The following LIPJ variants were observed in gnomAD, a reference collection of about 807,000 sequenced individuals.
The protein encoded by LIPJ is lipase member J.
In LIPJ, 33 loss-of-function variants were observed where a neutral mutation model predicts 39.8. The ratio of observed to expected loss-of-function variants is 0.83; its 90% CI spans 0.63 to 1.11. LIPJ has a LOEUF of 1.11. LIPJ is among the 50% of genes least tolerant of loss of function. The pLI is 0.00. For synonymous variants in LIPJ, 128 were observed against 139.2 expected (o/e 0.92, Z 0.57); for missense variants, 422 against 427.9 (o/e 0.99, Z 0.12).
chr10:88,587,727 C>T (rs1400664371), intron 2 of LIPJ, among the ~76,000 whole-genome samples: 1 of 152,010 alleles, frequency 6.6e-6, no homozygotes, highest in Non-Finnish European at 1.5e-5. Context: ...CAGTGATTTG[C>T]TCCATGGAAT....
the LIPJ span, among the ~76,000 whole-genome samples, chr10:88,614,760 A>G: frequency 6.6e-6 from 1 of 152,140 alleles, no homozygotes; most frequent in Non-Finnish European, 1.5e-5. Context: ...AAAAGTATTA[A>G]TATTGGAGGA....
At chr10:88,588,124 G>A (rs1253793706) in intron 2 of LIPJ, among the ~76,000 whole-genome samples, 1 of 151,648 alleles carries the variant, frequency 6.6e-6, no homozygotes, top group African/African-American at 2.4e-5. Context: ...TACCTAAATT[G>A]TTTGAAACAT....
intron 2 of LIPJ, among the ~76,000 whole-genome samples, chr10:88,588,193 A>C (rs1373576990): frequency 1.3e-5 from 2 of 151,888 alleles, no homozygotes; most frequent in African/African-American, 4.8e-5. Context: ...TTATATTTGC[A>C]TCTACTATGA....
upstream of LIPJ, chr10:88,583,115 C>T: frequency 6.2e-7 from 1 of 1,614,116 alleles, no homozygotes; most frequent in Non-Finnish European, 8.5e-7. Flanking sequence ...TACAAGGGAC[C>T]GGACGTCTGC....
At chr10:88,612,997 T>C in the LIPJ span, among the ~76,000 whole-genome samples, 1 of 152,102 alleles carries the variant, frequency 6.6e-6, no homozygotes, top group South Asian at 2.1e-4. Context: ...ACAAAACAAG[T>C]CTCAGTAAAT....
At chr10:88,620,714 A>G in the LIPJ span, among the ~76,000 whole-genome samples, 1 of 152,186 alleles carries the variant, frequency 6.6e-6, no homozygotes. Flanking sequence ...AAATAGTACA[A>G]GTTCTTTGGA....
At chr10:88,597,199 C>T (rs1305462224) in intron 8 of LIPJ, among the ~76,000 whole-genome samples, 8 of 151,576 alleles carry the variant, frequency 5.3e-5, no homozygotes, top group Admixed American at 5.3e-4. Context: ...TCTTTATTGA[C>T]CTTTGCTATT....
chr10:88,583,781 G>C (rs888020799), upstream of LIPJ: 2 of 888,906 alleles, frequency 2.2e-6, no homozygotes, highest in Non-Finnish European at 2.7e-6. Context: ...TCTCCATCTG[G>C]GAAATGGAAA....
chr10:88,586,236 A>G (rs906967073), upstream of LIPJ, among the ~76,000 whole-genome samples: 8 of 152,138 alleles, frequency 5.3e-5, no homozygotes, highest in African/African-American at 1.9e-4. Flanking sequence ...ATTACGCCCC[A>G]ACCTCCATGG....
intron 4 of LIPJ, chr10:88,591,903 G>A (rs1229882608): frequency 6.5e-6 from 1 of 153,266 alleles, no homozygotes; most frequent in Non-Finnish European, 1.5e-5. Flanking sequence ...GAGAGATGAG[G>A]TTAGTAGCAG....
At chr10:88,622,428 A>C in the LIPJ span, among the ~76,000 whole-genome samples, 1 of 152,222 alleles carries the variant, frequency 6.6e-6, no homozygotes, top group Admixed American at 6.5e-5. Context: ...GAAACAATTA[A>C]GGCAGTTCTG....
downstream of LIPJ, among the ~76,000 whole-genome samples, chr10:88,608,442 T>C (rs1004814144): frequency 6.6e-6 from 1 of 152,180 alleles, no homozygotes; most frequent in African/African-American, 2.4e-5. Flanking sequence ...CTTAAAAAAA[T>C]TGCATGCAAG....
At chr10:88,596,817 C>A in exon 8 of LIPJ, 1 of 1,602,570 alleles carries the variant, frequency 6.2e-7, no homozygotes, top group Non-Finnish European at 8.5e-7. Flanking sequence ...AGACTTCTTG[C>A]CTAAAACCTC....
chr10:88,621,696 A>G, the LIPJ span, among the ~76,000 whole-genome samples: 1 of 152,170 alleles, frequency 6.6e-6, no homozygotes, highest in African/African-American at 2.4e-5. Context: ...CTAAAAAAAA[A>G]GTATTAGGAG....
At chr10:88,596,299 T>C (rs1214777267) in exon 7 of LIPJ, 1 of 1,485,246 alleles carries the variant, frequency 6.7e-7, no homozygotes, top group Non-Finnish European at 9.0e-7. Context: ...CATTTTCTAC[T>C]ATATCAAAGA....
rs781008439 is a variant in LIPJ, at chr10:88,590,697, G to GT, written c.9+2dup. The GT allele has an allele frequency of 3.8e-6, 6 of 1,593,564 alleles. No individual in the cohort carries two copies. Among genetic ancestry groups the GT allele is most frequent in the Admixed American group, 1.7e-5 (1 of 59,280 alleles). ...GAAACCTGAAGCAGATATGAATATT[G>GT]TAAGTTGTTAGAAAATAAATCTGGA... On this transcript the variant is annotated splice_donor_variant, in intron 3 of 10. Transcript: ENST00000371939. LOFTEE classifies it high-confidence loss of function.
intron 2 of LIPJ, among the ~76,000 whole-genome samples, chr10:88,589,866 C>G (rs113057687): frequency 0.02 from 3,055 of 151,804 alleles, 77 homozygotes; most frequent in South Asian, 0.085. Flanking sequence ...CTGATGATCA[C>G]AGAGGTTAAG....
chr10:88,586,361 C>A (rs548446319), upstream of LIPJ, among the ~76,000 whole-genome samples: 2 of 152,220 alleles, frequency 1.3e-5, no homozygotes, highest in East Asian at 3.9e-4. Context: ...ACTAGATCAC[C>A]TAGGATTGCA....
rs1364014026 is a variant in LIPJ at position 88,587,397 on chromosome 10, GA to G, written c.-104+6del. 1.3e-5 allele frequency: 2 copies of G among 152,066 alleles called. No individual in the cohort carries two copies. The highest frequency in any genetic ancestry group is 4.8e-5 in the African/African-American group (2 of 41,426). 9.4% of individuals were successfully genotyped at this position (152,066 alleles called of 1,614,324 possible). A position where few individuals can be genotyped will look rare whatever the true frequency, so the allele number is the denominator to read the frequency against. ...AAAATCAACAAAAGCAGAGAGGTAT[GA>G]TATAATACTTTTCATTGTTGTGTGT... On this transcript the variant is annotated splice_donor_region_variant and intron_variant, in intron 2 of 10. Coordinates refer to ENST00000371939, the Ensembl canonical transcript of LIPJ.
Sources: gnomAD v4.1 joint callset for allele counts (sites outside exome capture counted in the v4.1 genomes callset) on GRCh38, gnomAD v4.1.1 for gene constraint, MANE v1.5 for transcripts, NCBI Gene and HGNC (gene_info 2026-07-23, HGNC 2026-07-21) for gene names.